The following ZBTB8A variants were observed in gnomAD, a reference collection of about 807,000 sequenced individuals.
ZBTB8A encodes the protein zinc finger and BTB domain containing 8A.
Under a neutral mutation model 37.8 loss-of-function variants are expected in ZBTB8A, and 19 were observed. The ratio of observed to expected loss-of-function variants is 0.50; its 90% CI spans 0.35 to 0.74. The LOEUF is 0.74. Ranked by LOEUF, ZBTB8A falls within the 30% of genes least tolerant of loss-of-function variation. The pLI, the probability that ZBTB8A is intolerant of heterozygous loss-of-function variation, is 0.01. For missense variants in ZBTB8A, 394 were observed against 537.8 expected, an observed-to-expected ratio of 0.73 and a Z score of 2.65; for synonymous variants, 181 against 185.2, an observed-to-expected ratio of 0.98 and a Z score of 0.19.
At chr1:32,551,576 G>A (rs1424705179) in intron 1 of ZBTB8A, among the ~76,000 whole-genome samples, 1 of 152,104 alleles carries the variant, frequency 6.6e-6, no homozygotes, top group Non-Finnish European at 1.5e-5. Context: ...AGCCGGGTGT[G>A]GTGGTGCATA....
At chr1:32,577,075 A>G (rs911623139) in intron 2 of ZBTB8A, among the ~76,000 whole-genome samples, 3 of 146,400 alleles carry the variant, frequency 2.0e-5, no homozygotes, top group Admixed American at 1.4e-4. Context: ...GGGTTTCACC[A>G]TGTTGGCCAG....
chr1:32,587,965 G>A (rs575363054), intron 2 of ZBTB8A, among the ~76,000 whole-genome samples: 6 of 152,224 alleles, frequency 3.9e-5, no homozygotes, highest in Admixed American at 1.3e-4. Context: ...CAAAAGGACT[G>A]GATTTGGAGT....
chr1:32,584,202 A>C (rs1644428640), intron 2 of ZBTB8A, among the ~76,000 whole-genome samples: 1 of 152,148 alleles, frequency 6.6e-6, no homozygotes, highest in South Asian at 2.1e-4. Context: ...GAAATAAAGA[A>C]GGATTCCTCC....
intron 2 of ZBTB8A, among the ~76,000 whole-genome samples, chr1:32,591,374 C>T (rs1644486934): frequency 6.6e-6 from 1 of 151,014 alleles, no homozygotes; most frequent in Non-Finnish European, 1.5e-5. Flanking sequence ...TCACACCTGG[C>T]TAATTAAAAT....
chr1:32,585,784 C>A (rs1408178387), intron 2 of ZBTB8A, among the ~76,000 whole-genome samples: 1 of 151,980 alleles, frequency 6.6e-6, no homozygotes, highest in African/African-American at 2.4e-5. Flanking sequence ...GGGTGGATCA[C>A]CTGAAGTCAG....
intron 1 of ZBTB8A, among the ~76,000 whole-genome samples, chr1:32,547,648 G>GAA (rs139684543): frequency 7.9e-6 from 1 of 126,706 alleles, no homozygotes; most frequent in Non-Finnish European, 1.7e-5. Flanking sequence ...AAAAAAGAAA[G>GAA]AAAAAAAGGC....
intron 2 of ZBTB8A, among the ~76,000 whole-genome samples, chr1:32,568,814 C>T (rs1188196309): frequency 6.6e-6 from 1 of 152,098 alleles, no homozygotes; most frequent in African/African-American, 2.4e-5. Context: ...AGTTTGTTGG[C>T]TCTATTGTTC....
At chr1:32,589,156 AG>A (rs1644469867) in intron 2 of ZBTB8A, among the ~76,000 whole-genome samples, 1 of 152,140 alleles carries the variant, frequency 6.6e-6, no homozygotes, top group African/African-American at 2.4e-5. Context: ...GGCCAAAAGT[AG>A]ATGTGAAATC....
At chr1:32,588,205 G>A (rs547007830) in intron 2 of ZBTB8A, among the ~76,000 whole-genome samples, 23 of 152,244 alleles carry the variant, frequency 1.5e-4, no homozygotes, top group African/African-American at 5.5e-4. Flanking sequence ...CCAGTTTATA[G>A]CTGGTTAGTC....
intron 2 of ZBTB8A, among the ~76,000 whole-genome samples, chr1:32,558,931 A>G (rs1287704323): frequency 1.3e-5 from 2 of 152,204 alleles, no homozygotes; most frequent in Non-Finnish European, 2.9e-5. Context: ...CGTTGAATCT[A>G]CAATTCCTTG....
intron 2 of ZBTB8A, among the ~76,000 whole-genome samples, chr1:32,567,791 C>CAAAAAAAAAAAAA (rs1214976482): frequency 4.7e-4 from 3 of 6,440 alleles, no homozygotes; most frequent in Non-Finnish European, 8.2e-4. Flanking sequence ...GATTCTGTCT[C>CAAAAAAAAAAAAA]AAAAAAAAAA....
intron 1 of ZBTB8A, among the ~76,000 whole-genome samples, chr1:32,545,251 T>G (rs1035005391): frequency 2.6e-5 from 4 of 152,204 alleles, no homozygotes; most frequent in African/African-American, 9.6e-5. Context: ...AGAAAAAAAT[T>G]TTAAAAAATT....
chr1:32,548,790 T>C (rs1409430813), intron 1 of ZBTB8A, among the ~76,000 whole-genome samples: 2 of 152,234 alleles, frequency 1.3e-5, no homozygotes, highest in Non-Finnish European at 2.9e-5. Flanking sequence ...GGCACTGTTA[T>C]AAGCACGTTT....
intron 3 of ZBTB8A, among the ~76,000 whole-genome samples, chr1:32,594,573 C>G (rs1045146891): frequency 2.0e-5 from 3 of 151,984 alleles, no homozygotes; most frequent in Non-Finnish European, 4.4e-5. Context: ...CCAACCTGAC[C>G]AACATGGTGA....
At chr1:32,558,115 A>C (rs1644216697) in intron 2 of ZBTB8A, among the ~76,000 whole-genome samples, 1 of 152,160 alleles carries the variant, frequency 6.6e-6, no homozygotes, top group Admixed American at 6.6e-5. Flanking sequence ...AAACTCTGTG[A>C]GCTTGATTAA....
intron 3 of ZBTB8A, among the ~76,000 whole-genome samples, chr1:32,594,138 G>T (rs887024864): frequency 6.6e-6 from 1 of 150,860 alleles, no homozygotes; most frequent in Admixed American, 6.6e-5. Context: ...AGGTTGCAGG[G>T]AGCTGAGATT....
intron 4 of ZBTB8A, among the ~76,000 whole-genome samples, chr1:32,598,415 T>G (rs562623356): frequency 2.6e-5 from 4 of 151,578 alleles, no homozygotes; most frequent in Non-Finnish European, 4.4e-5. Context: ...GTATTTTTTT[T>G]TAGTAAAGAT....
intron 1 of ZBTB8A, among the ~76,000 whole-genome samples, chr1:32,541,784 A>G (rs1644057287): frequency 6.6e-6 from 1 of 152,182 alleles, no homozygotes; most frequent in African/African-American, 2.4e-5. Flanking sequence ...TTATAAGGGC[A>G]CTAATTCCAT....
At chr1:32,539,752 G>A in intron 1 of ZBTB8A, among the ~76,000 whole-genome samples, 180 bp downstream of exon 1, 1 of 370 alleles carries the variant, frequency 2.7e-3, no homozygotes, top group Admixed American at 0.023. Context: ...CGCCCGGGAG[G>A]GGCTGCGGGA....
Sources: allele counts gnomAD v4.1 joint callset (sites outside exome capture counted in the v4.1 genomes callset), GRCh38; gene constraint gnomAD v4.1.1; transcripts MANE v1.5; gene names NCBI Gene and HGNC (gene_info 2026-07-23, HGNC 2026-07-21).